The following PPFIA2 variants were observed in gnomAD, a reference collection of about 807,000 sequenced individuals.
PPFIA2 encodes liprin-alpha-2.
A neutral mutation model predicts 175.5 loss-of-function variants in PPFIA2; 46 were observed. That is an observed-to-expected ratio of 0.26 (90% CI 0.21 to 0.34). PPFIA2 has a LOEUF of 0.34. Ranked by LOEUF, PPFIA2 falls within the 10% of genes least tolerant of loss-of-function variation. PPFIA2 has a pLI of 1.00. For synonymous variants in PPFIA2, 568 were observed against 511.4 expected, an observed-to-expected ratio of 1.11 and a Z score of -1.49; for missense variants, 1,179 against 1,506.1, an observed-to-expected ratio of 0.78 and a Z score of 3.60.
intron 4 of PPFIA2, among the ~76,000 whole-genome samples, chr12:81,486,761 A>G (rs765232736): frequency 4.6e-5 from 7 of 151,956 alleles, no homozygotes; most frequent in Non-Finnish European, 8.8e-5. Context: ...CTTGGCTGAC[A>G]GTAATCATTA....
chr12:81,690,025 C>T (rs904149855), intron 3 of PPFIA2, among the ~76,000 whole-genome samples: 1 of 152,098 alleles, frequency 6.6e-6, no homozygotes, highest in Non-Finnish European at 1.5e-5. Context: ...TACTATAAAG[C>T]AGGGACATGG....
At chr12:81,558,413 A>G (rs2069274316) in intron 4 of PPFIA2, among the ~76,000 whole-genome samples, 1 of 152,202 alleles carries the variant, frequency 6.6e-6, no homozygotes. Context: ...TACACATTAC[A>G]ATTTGATACA....
At chr12:81,287,219 C>T (rs1291897351) in intron 24 of PPFIA2, among the ~76,000 whole-genome samples, 1 of 151,882 alleles carries the variant, frequency 6.6e-6, no homozygotes, top group Non-Finnish European at 1.5e-5. Context: ...ATCAATTTTA[C>T]ACTGATTTGT....
At chr12:81,631,524 T>C (rs1188077579) in intron 4 of PPFIA2, among the ~76,000 whole-genome samples, 1 of 152,330 alleles carries the variant, frequency 6.6e-6, no homozygotes, top group African/African-American at 2.4e-5. Flanking sequence ...TATAAAATTA[T>C]AAATTCTTAT....
chr12:81,392,171 G>T (rs1690773052), intron 8 of PPFIA2, among the ~76,000 whole-genome samples: 1 of 151,956 alleles, frequency 6.6e-6, no homozygotes, highest in African/African-American at 2.4e-5. Context: ...TATAAAAGGG[G>T]TCATATTCTT....
intron 4 of PPFIA2, among the ~76,000 whole-genome samples, chr12:81,557,458 AC>A (rs1487257675): frequency 6.6e-6 from 1 of 151,930 alleles, no homozygotes; most frequent in Non-Finnish European, 1.5e-5. Context: ...TTTCAAACTT[AC>A]TTTGGTTAAA....
At chr12:81,602,411 G>A (rs1251083711) in intron 4 of PPFIA2, among the ~76,000 whole-genome samples, 1 of 151,738 alleles carries the variant, frequency 6.6e-6, no homozygotes, top group South Asian at 2.1e-4. Flanking sequence ...GAGAAACTCT[G>A]TTCCCAGAAG....
At chr12:81,408,394 T>C (rs1376794060) in intron 7 of PPFIA2, among the ~76,000 whole-genome samples, 1 of 152,142 alleles carries the variant, frequency 6.6e-6, no homozygotes, top group African/African-American at 2.4e-5. Context: ...ATTTAAAAAT[T>C]ATATGCTTTG....
At chr12:81,691,654 T>C (rs2075260434) in intron 3 of PPFIA2, among the ~76,000 whole-genome samples, 1 of 152,126 alleles carries the variant, frequency 6.6e-6, no homozygotes, top group Non-Finnish European at 1.5e-5. Context: ...CATTCTTTTA[T>C]TGTACAGATT....
intron 4 of PPFIA2, among the ~76,000 whole-genome samples, chr12:81,581,243 CA>C (rs768100615): frequency 1.9e-4 from 29 of 150,262 alleles, no homozygotes; most frequent in Non-Finnish European, 3.7e-4. Flanking sequence ...AGTGTTGGGA[CA>C]GGGGTTGAGC....
chr12:81,277,750 G>T (rs979629688), intron 27 of PPFIA2, among the ~76,000 whole-genome samples: 1 of 152,066 alleles, frequency 6.6e-6, no homozygotes, highest in Non-Finnish European at 1.5e-5. Flanking sequence ...CACTTGAAAA[G>T]AATTTAAAGT....
intron 7 of PPFIA2, among the ~76,000 whole-genome samples, chr12:81,418,437 T>C (rs955861359): frequency 2.0e-5 from 3 of 151,994 alleles, no homozygotes; most frequent in Non-Finnish European, 2.9e-5. Context: ...AAAAATTGTT[T>C]TGACATTTTT....
chr12:81,376,423 A>G (rs1036106403), intron 9 of PPFIA2, among the ~76,000 whole-genome samples: 1 of 152,182 alleles, frequency 6.6e-6, no homozygotes, highest in Non-Finnish European at 1.5e-5. Context: ...AGGCCAAAAA[A>G]AAAAATAGTA....
intron 11 of PPFIA2, among the ~76,000 whole-genome samples, chr12:81,373,964 A>G (rs532245430): frequency 1.3e-4 from 20 of 152,170 alleles, no homozygotes; most frequent in Middle Eastern, 6.8e-3. Flanking sequence ...ATATACATAC[A>G]CTTTGAAATG....
At chr12:81,466,649 G>C (rs974079599) in intron 4 of PPFIA2, among the ~76,000 whole-genome samples, 6 of 151,894 alleles carry the variant, frequency 4.0e-5, no homozygotes, top group African/African-American at 1.5e-4. Flanking sequence ...GCTTGCTAGA[G>C]ATGAGTCAGC....
intron 22 of PPFIA2, among the ~76,000 whole-genome samples, chr12:81,324,963 A>T (rs898485692): frequency 2.0e-5 from 3 of 152,038 alleles, no homozygotes; most frequent in Non-Finnish European, 2.9e-5. Flanking sequence ...ATTAGCCTGT[A>T]TATTATAATC....
chr12:81,634,335 C>T (rs764204694), intron 4 of PPFIA2, among the ~76,000 whole-genome samples: 9 of 151,886 alleles, frequency 5.9e-5, no homozygotes, highest in Admixed American at 2.6e-4. Flanking sequence ...TGTAATGAAA[C>T]GAGAATGATT....
chr12:81,630,425 TG>T lies in PPFIA2; in HGVS notation c.303+46365del, dbSNP rs374701722. ...AAAGGCTGGAAAAAGCCAGTATTTT[TG>T]TAGCTTCTATAGAACATACAGGTTA... On this transcript the variant is annotated intron_variant, in intron 4 of 32. Coordinates refer to ENST00000549396, the MANE Select transcript of PPFIA2 (RefSeq NM_003625.5). Among the ~76,000 whole-genome samples, 18 of 152,316 alleles carry T rather than the reference TG, an allele frequency of 1.2e-4. No individual in the cohort carries two copies. In the South Asian group the frequency reaches 3.5e-3, roughly 30 times the overall value.
chr12:81,428,101 A>T (rs752036922), intron 7 of PPFIA2, among the ~76,000 whole-genome samples: 53 of 152,112 alleles, frequency 3.5e-4, no homozygotes, highest in Middle Eastern at 3.4e-3. Context: ...GGGTAAAATA[A>T]AATAGGTCAA....
Sources: gnomAD v4.1 joint callset for allele counts (sites outside exome capture counted in the v4.1 genomes callset) on GRCh38, gnomAD v4.1.1 for gene constraint, MANE v1.5 for transcripts, NCBI Gene and HGNC (gene_info 2026-07-23, HGNC 2026-07-21) for gene names.